Variants in SDK1 observed in about 807,000 individuals in gnomAD.
SDK1 encodes the protein protein sidekick-1.
In SDK1, 157 loss-of-function variants were observed where a neutral mutation model predicts 245.5. The observed-to-expected ratio is 0.64, with a 90% CI of 0.56 to 0.73. The LOEUF is 0.73. Among genes scored for constraint, SDK1 ranks in the 30% least tolerant of loss-of-function variants. The pLI is 0.00. For missense variants in SDK1, 3,583 were observed against 3,002.3 expected (o/e 1.19, Z -4.52); for synonymous variants, 1,647 against 1,278.5 (o/e 1.29, Z -6.15).
In SDK1 at chr7:3,784,042, T is replaced by C. The variant is rs967219726; in HGVS notation, c.714-37408T>C. ...ACTAGAGACCCCAGAAATGAACCCA[T>C]GCATATGATTTAAATTTATTTTCTT... On this transcript the variant is annotated intron_variant, in intron 4 of 44. Transcript: ENST00000404826. 3.3e-5 allele frequency among the ~76,000 whole-genome samples: 5 copies of C among 152,000 alleles called. No homozygotes were observed. In the East Asian group the frequency reaches 9.7e-4, roughly 29 times the overall value.
intron 1 of SDK1, among the ~76,000 whole-genome samples, chr7:3,500,840 C>G (rs1172075700): frequency 6.6e-6 from 1 of 151,172 alleles, no homozygotes; most frequent in African/African-American, 2.4e-5. Flanking sequence ...TATTTTTTGA[C>G]ATTTTACTTT....
At chr7:4,133,747 T>C (rs935322672) in intron 28 of SDK1, among the ~76,000 whole-genome samples, 9 of 152,174 alleles carry the variant, frequency 5.9e-5, no homozygotes, top group Non-Finnish European at 1.3e-4. Context: ...CGTTTTAAAC[T>C]GGCCTGTTAG....
intron 4 of SDK1, among the ~76,000 whole-genome samples, chr7:3,741,275 T>C (rs73672157): frequency 2.6e-5 from 4 of 152,174 alleles, no homozygotes; most frequent in Non-Finnish European, 5.9e-5. Flanking sequence ...ACCAAAACTT[T>C]AGGAAGGCCC....
Position 4,017,303 on chromosome 7 carries a change from C to T in SDK1, c.2553C>T (p.Ala851=), listed in dbSNP as rs562967510. ...TACAGGTGGCGGCGTACAACGGGGC[C>T]GGTCTGGGCGTCTTCAGCAGGGCAG... ...YEIQVAAYNG[A]GLGVFSRAVT... Residue 851 remains alanine (A), a synonymous_variant, in exon 17 of 45, where the codon GCC becomes GCT. Transcript: ENST00000404826. 53 of 1,613,848 alleles carry T rather than the reference C, an allele frequency of 3.3e-5. No individual in the cohort carries two copies. Among genetic ancestry groups the T allele is most frequent in the Middle Eastern group, 1.6e-4 (1 of 6,062 alleles).
At chr7:3,471,261 T>G (rs567957311) in intron 1 of SDK1, among the ~76,000 whole-genome samples, 192 of 152,248 alleles carry the variant, frequency 1.3e-3, no homozygotes, top group African/African-American at 4.5e-3. Flanking sequence ...TTTCTTATAA[T>G]TGGTTTGGCA....
At chr7:3,726,061 C>T (rs1399759365) in intron 4 of SDK1, among the ~76,000 whole-genome samples, 4 of 152,238 alleles carry the variant, frequency 2.6e-5, no homozygotes, top group African/African-American at 7.2e-5. Context: ...TATCACCTTA[C>T]ATCTGCCTAA....
At chr7:3,734,975 C>T (rs1273612790) in intron 4 of SDK1, among the ~76,000 whole-genome samples, 4 of 152,144 alleles carry the variant, frequency 2.6e-5, no homozygotes, top group Non-Finnish European at 5.9e-5. Context: ...TGCACATCCC[C>T]TATGTGTTCC....
At chr7:3,755,349 A>G (rs1415207674) in intron 4 of SDK1, among the ~76,000 whole-genome samples, 2 of 152,156 alleles carry the variant, frequency 1.3e-5, no homozygotes, top group South Asian at 2.1e-4. Context: ...TTCGGTGCCC[A>G]TGACTGCAGA....
intron 5 of SDK1, among the ~76,000 whole-genome samples, chr7:3,924,166 G>T (rs187078753): frequency 6.6e-6 from 1 of 152,116 alleles, no homozygotes; most frequent in East Asian, 1.9e-4. Flanking sequence ...TCCAGGTGGG[G>T]ATGAGGAGGG....
intron 21 of SDK1, among the ~76,000 whole-genome samples, chr7:4,077,922 G>T (rs1009352521): frequency 6.6e-6 from 1 of 152,124 alleles, no homozygotes; most frequent in Non-Finnish European, 1.5e-5. Context: ...GTAAAAATTG[G>T]TATATATAGC....
chr7:4,146,404 G>A (rs1011254532), intron 29 of SDK1, among the ~76,000 whole-genome samples: 2 of 137,470 alleles, frequency 1.5e-5, no homozygotes, highest in African/African-American at 5.6e-5. Context: ...AGCATTTCGT[G>A]ACACACTTTC....
rs1780043116 is a variant in SDK1 at position 4,068,531 on chromosome 7, C to G, written c.3010+595C>G. Among the ~76,000 whole-genome samples, 3 of 152,026 alleles carry G rather than the reference C, an allele frequency of 2.0e-5. No individual in the cohort carries two copies. The South Asian group carries it at 6.2e-4, about 32-fold the overall frequency. On this transcript the variant is annotated intron_variant, in intron 20 of 44. Coordinates refer to ENST00000404826, the MANE Select transcript of SDK1 (RefSeq NM_152744.4). ...GACTCCAGATCCCATGTTCTGTCCC[C>G]TCCCCACCCTGCCCTCCAGTGAGAG...
chr7:3,594,101 T>G (rs1352651275), intron 1 of SDK1, among the ~76,000 whole-genome samples: 1 of 152,156 alleles, frequency 6.6e-6, no homozygotes, highest in African/African-American at 2.4e-5. Flanking sequence ...TCACTCTCTA[T>G]CTCCTCCTGC....
chr7:3,500,770 C>A lies in SDK1; in HGVS notation c.299-118310C>A, dbSNP rs560495106. 5.3e-5 allele frequency among the ~76,000 whole-genome samples: 8 copies of A among 152,034 alleles called. No homozygotes were observed. In the East Asian group the frequency reaches 1.5e-3, roughly 29 times the overall value. On this transcript the variant is annotated intron_variant, in intron 1 of 44. Coordinates refer to ENST00000404826, the MANE Select transcript of SDK1 (RefSeq NM_152744.4). Reference sequence around the variant, plus strand: ...TTCCTCTCCTTTCTTTCTAAGACTCCTGTTTGGAAGTTTTGCCTCCTATAC... The same window carrying A: ...TTCCTCTCCTTTCTTTCTAAGACTCATGTTTGGAAGTTTTGCCTCCTATAC...
chr7:4,236,363 G>A (rs927049985), intron 41 of SDK1, among the ~76,000 whole-genome samples: 8 of 152,210 alleles, frequency 5.3e-5, no homozygotes, highest in Admixed American at 3.9e-4. Flanking sequence ...GAACGAGACA[G>A]AAGGAAGAAG....
At position 4,026,013 on chromosome 7, in the gene SDK1, A is replaced by C. The variant is rs1335786537; in HGVS notation, c.2602+8661A>C. Among the ~76,000 whole-genome samples the C allele has an allele frequency of 1.3e-5, 2 of 152,186 alleles. No homozygotes were observed. Among genetic ancestry groups the C allele is most frequent in the African/African-American group, 4.8e-5 (2 of 41,442 alleles). On this transcript the variant is annotated intron_variant, in intron 17 of 44. Transcript: ENST00000404826. The surrounding 1 kb of genome is among the most constrained non-coding windows in gnomAD (Gnocchi z 4.1). Reference sequence around the variant, plus strand: ...AATGCTGAATCCGGGACTGCAGCCCAGAAGGCGCATGGGGAAATTAGGTCC... The same window carrying C: ...AATGCTGAATCCGGGACTGCAGCCCCGAAGGCGCATGGGGAAATTAGGTCC...
At chr7:3,995,740 A>G (rs553830692) in intron 14 of SDK1, among the ~76,000 whole-genome samples, 1 of 151,914 alleles carries the variant, frequency 6.6e-6, no homozygotes, top group African/African-American at 2.4e-5. Flanking sequence ...CATTCTGCCA[A>G]GTCGGTTGGC....
chr7:3,570,650 T>C (rs1297565254), intron 1 of SDK1, among the ~76,000 whole-genome samples: 1 of 152,224 alleles, frequency 6.6e-6, no homozygotes, highest in Non-Finnish European at 1.5e-5. Context: ...CATAACAACA[T>C]GATCATTAAC....
At chr7:3,876,366 G>C (rs1352334793) in intron 5 of SDK1, among the ~76,000 whole-genome samples, 2 of 152,182 alleles carry the variant, frequency 1.3e-5, no homozygotes, top group African/African-American at 2.4e-5. Context: ...TGCAGGTCCT[G>C]TTTTGAGGAC....
Sources: gnomAD v4.1 joint callset for allele counts (sites outside exome capture counted in the v4.1 genomes callset) on GRCh38, gnomAD v4.1.1 for gene constraint, Gnocchi (gnomAD v3.1) non-coding constraint, MANE v1.5 for transcripts, NCBI Gene and HGNC (gene_info 2026-07-23, HGNC 2026-07-21) for gene names.